Variants in CHM observed in about 807,000 individuals in gnomAD.
The protein encoded by CHM is rab proteins geranylgeranyltransferase component A 1.
A neutral mutation model predicts 49.0 loss-of-function variants in CHM; 10 were observed. The observed-to-expected ratio is 0.20, with a 90% CI of 0.13 to 0.35. CHM has a LOEUF of 0.35. CHM is among the 10% of genes least tolerant of loss of function. The pLI is 1.00. For synonymous variants in CHM, 184 were observed against 167.5 expected (o/e 1.10, Z -0.76); for missense variants, 455 against 478.4 (o/e 0.95, Z 0.46).
At chrX:85,969,832 A>G (rs1233573673) in intron 4 of CHM, 1 of 112,351 alleles carries the variant, frequency 8.9e-6, no homozygotes, top group Non-Finnish European at 1.9e-5. Flanking sequence ...CCTGGAGAAC[A>G]TTATATTAAG....
At chrX:85,882,924 T>A (rs1048598380) in intron 12 of CHM, among the ~76,000 whole-genome samples, 7 of 110,992 alleles carry the variant, frequency 6.3e-5, no homozygotes, top group Non-Finnish European at 9.5e-5. Context: ...GCCAAGTCAG[T>A]TTTTCTCTCT....
intron 5 of CHM, among the ~76,000 whole-genome samples, chrX:85,960,587 C>A (rs767978945): frequency 4.9e-4 from 54 of 110,196 alleles, no homozygotes; most frequent in Non-Finnish European, 8.9e-4. Flanking sequence ...CCACGCCCAG[C>A]TAATTTTTTG....
At chrX:85,900,825 C>T in intron 10 of CHM, 116 bp from the exon 11 acceptor site, 2 of 592,430 alleles carry the variant, frequency 3.4e-6, no homozygotes, top group Non-Finnish European at 5.7e-6. Context: ...AAAAGTGTCA[C>T]CTCCCAAAAC....
At chrX:85,966,344 C>T (rs1305555133) in intron 4 of CHM, among the ~76,000 whole-genome samples, 1 of 99,152 alleles carries the variant, frequency 1.0e-5, no homozygotes, top group Non-Finnish European at 2.0e-5. Context: ...AGCAAAACTC[C>T]GTCTAAAAAA....
At chrX:85,948,425 G>A (rs5968731) in intron 8 of CHM, among the ~76,000 whole-genome samples, 25,050 of 110,581 alleles carry the variant, frequency 0.23, 2,161 homozygotes, top group Non-Finnish European at 0.25. Context: ...TCCAATTATT[G>A]TATCTTGACA....
chrX:86,018,963 A>G, intron 2 of CHM, among the ~76,000 whole-genome samples: 1 of 112,046 alleles, frequency 8.9e-6, no homozygotes. Flanking sequence ...TCAGTATCTT[A>G]TAATTTTTCT....
intron 11 of CHM, among the ~76,000 whole-genome samples, chrX:85,899,882 A>G (rs939724249): frequency 2.7e-5 from 3 of 110,710 alleles, no homozygotes; most frequent in Non-Finnish European, 5.7e-5. Context: ...ACCTGTTAGG[A>G]TGGCTATTAT....
At chrX:85,878,693 T>C (rs1924567417) in intron 13 of CHM, among the ~76,000 whole-genome samples, 1 of 111,612 alleles carries the variant, frequency 9.0e-6, no homozygotes, top group African/African-American at 3.3e-5. Flanking sequence ...CAATCCTTTT[T>C]CTGTGTAACT....
At chrX:86,023,316 G>A (rs961374529) in intron 2 of CHM, among the ~76,000 whole-genome samples, 1 of 110,982 alleles carries the variant, frequency 9.0e-6, no homozygotes, top group Non-Finnish European at 1.9e-5. Context: ...ACTCAACTAC[G>A]TGTAGTTTCC....
chrX:85,970,380 G>A, intron 4 of CHM: 1 of 748,876 alleles, frequency 1.3e-6, no homozygotes, highest in Non-Finnish European at 1.6e-6. Context: ...AATTAAAGAA[G>A]TAAATGCACT....
chrX:85,918,117 T>C (rs1927564057), intron 8 of CHM, among the ~76,000 whole-genome samples: 1 of 110,732 alleles, frequency 9.0e-6, no homozygotes, highest in African/African-American at 3.3e-5. Flanking sequence ...GTCATCAGAT[T>C]CTCCAAGGTC....
chrX:85,955,862 T>C (rs898403367), intron 8 of CHM, among the ~76,000 whole-genome samples: 2 of 111,807 alleles, frequency 1.8e-5, no homozygotes, highest in African/African-American at 6.5e-5. Context: ...TAACATACTA[T>C]ATAGTAATAA....
chrX:86,027,444 T>A, intron 2 of CHM, 47 bp downstream of exon 2: 17 of 1,024,039 alleles, frequency 1.7e-5, no homozygotes, highest in Non-Finnish European at 2.3e-5. Flanking sequence ...TTTAATCCTG[T>A]ATAGAGATAT....
At chrX:85,913,972 G>A (rs1331760124) in intron 8 of CHM, among the ~76,000 whole-genome samples, 1 of 111,346 alleles carries the variant, frequency 9.0e-6, no homozygotes, top group African/African-American at 3.3e-5. Context: ...AGGCCGAGAA[G>A]ACTCCATGGG....
intron 4 of CHM, among the ~76,000 whole-genome samples, chrX:85,977,032 C>T (rs956443741): frequency 8.9e-6 from 1 of 111,772 alleles, no homozygotes; most frequent in Admixed American, 9.4e-5. Flanking sequence ...TTGGCCCTAG[C>T]CCCTTTCATA....
chrX:85,949,984 T>C (rs1025049238), intron 8 of CHM, among the ~76,000 whole-genome samples: 18 of 44,889 alleles, frequency 4.0e-4, no homozygotes, highest in African/African-American at 1.3e-3. Flanking sequence ...ATTAAATATA[T>C]ATATATATAT....
intron 12 of CHM, 120 bp from the exon 13 acceptor site, chrX:85,879,183 T>C: frequency 1.9e-6 from 1 of 516,615 alleles, no homozygotes; most frequent in East Asian, 3.8e-5. Flanking sequence ...GTTACAACAT[T>C]TGTTAACTAA....
intron 2 of CHM, among the ~76,000 whole-genome samples, chrX:86,017,294 A>T (rs897466541): frequency 3.6e-5 from 4 of 111,329 alleles, no homozygotes; most frequent in Non-Finnish European, 7.5e-5. Flanking sequence ...CTGCTTTTGA[A>T]ATGGGAAGAC....
chrX:86,024,991 A>G (rs1933746205), intron 2 of CHM, among the ~76,000 whole-genome samples: 1 of 111,144 alleles, frequency 9.0e-6, no homozygotes, highest in Non-Finnish European at 1.9e-5. Context: ...ATATCAGATG[A>G]TAGGCTATAT....
Sources: allele counts gnomAD v4.1 joint callset (sites outside exome capture counted in the v4.1 genomes callset), GRCh38; gene constraint gnomAD v4.1.1; transcripts MANE v1.5; gene names NCBI Gene and HGNC (gene_info 2026-07-23, HGNC 2026-07-21).